The following MDH2 variants were observed in gnomAD, a reference collection of about 807,000 sequenced individuals.
MDH2 encodes the protein malate dehydrogenase, mitochondrial.
Under a neutral mutation model 33.6 loss-of-function variants are expected in MDH2, and 25 were observed. The observed-to-expected ratio is 0.74, with a 90% confidence interval of 0.54 to 1.04. The LOEUF (loss-of-function observed/expected upper bound fraction) is 1.04. MDH2 is among the 50% of genes least tolerant of loss of function. The pLI, the probability that MDH2 is intolerant of heterozygous loss-of-function variation, is 0.00. For missense variants in MDH2, 432 were observed against 445.0 expected (o/e 0.97, Z 0.26); for synonymous variants, 193 against 188.7 (o/e 1.02, Z -0.19).
intron 1 of MDH2, chr7:76,048,630 G>C: frequency 7.9e-7 from 1 of 1,269,740 alleles, no homozygotes; most frequent in Non-Finnish European, 9.9e-7. Flanking sequence ...TGAGTTGTGC[G>C]TGAATAAAAG....
chr7:76,048,912 A>C, intron 1 of MDH2: 2 of 1,011,712 alleles, frequency 2.0e-6, no homozygotes, highest in South Asian at 4.7e-5. Flanking sequence ...TAAACTCTGC[A>C]GTGTGTCAGA....
At chr7:76,057,616 C>T in intron 3 of MDH2, 123 bp downstream of exon 3, 1 of 957,922 alleles carries the variant, frequency 1.0e-6, no homozygotes, top group East Asian at 2.6e-5. Flanking sequence ...ACCAGCTCCC[C>T]TTTCCTGTGG....
intron 6 of MDH2, 40 bp from the exon 7 acceptor site, chr7:76,064,299 G>A: frequency 2.6e-6 from 4 of 1,536,848 alleles, no homozygotes; most frequent in South Asian, 1.2e-5. Context: ...TGGGGTCATG[G>A]GCCGGAAGCC....
intron 3 of MDH2, 42 bp downstream of exon 3, chr7:76,057,535 G>T: frequency 1.3e-6 from 2 of 1,560,700 alleles, no homozygotes; most frequent in Non-Finnish European, 8.8e-7. Context: ...CCCACGTGAA[G>T]ATGTGGGGAT....
chr7:76,055,322 C>T (rs764466444), intron 2 of MDH2, among the ~76,000 whole-genome samples: 2 of 152,086 alleles, frequency 1.3e-5, no homozygotes, highest in South Asian at 2.1e-4. Context: ...GTCTCAGCTG[C>T]GGGCCACCTT....
rs528698751 is a variant in MDH2 at position 76,059,789 on chromosome 7, T to G, written c.430-584T>G. Among the ~76,000 whole-genome samples, 12 of 152,318 alleles carry G rather than the reference T, an allele frequency of 7.9e-5. 1 individual carries two copies. In the South Asian group the frequency reaches 2.1e-3, roughly 26 times the overall value. On this transcript the variant is annotated intron_variant, in intron 4 of 8. Coordinates refer to ENST00000315758, the MANE Select transcript of MDH2 (RefSeq NM_005918.4). ...AAATAGAGAGCTGCTATTCCCTTTG[T>G]TGGGGAGCTAACCAGTGCCTAATAG...
intron 5 of MDH2, 129 bp downstream of exon 5, chr7:76,060,627 T>C (rs1554586878): frequency 4.4e-6 from 6 of 1,352,072 alleles, no homozygotes; most frequent in Admixed American, 2.5e-5. Flanking sequence ...TAAATGTTTT[T>C]AGAGCTCGCC....
intron 1 of MDH2, chr7:76,048,638 A>T: frequency 7.9e-7 from 1 of 1,267,570 alleles, no homozygotes; most frequent in Non-Finnish European, 9.9e-7. Flanking sequence ...GCGTGAATAA[A>T]AGAAATCGTA....
Position 76,063,696 on chromosome 7 carries a change from C to G in MDH2, c.633+104C>G, listed in dbSNP as rs377574604. ...GACTGGAGAAGGCCTGGCCACGTGC[C>G]AGGTTTTGGAAGGGCTCCTGTTGTA... On this transcript the variant is annotated intron_variant, in intron 6 of 8. Transcript: ENST00000315758. 361 of 1,169,794 alleles carry G rather than the reference C, an allele frequency of 3.1e-4. 3 individuals are homozygous for G. The East Asian group carries it at 6.1e-3, about 20-fold the overall frequency. The allele number at this position is 1,169,794 out of a possible 1,614,324, so 72.5% of individuals were successfully genotyped here.
chr7:76,061,789 C>T (rs1306538865), intron 5 of MDH2, among the ~76,000 whole-genome samples: 6 of 152,184 alleles, frequency 3.9e-5, no homozygotes, highest in Non-Finnish European at 5.9e-5. Flanking sequence ...GTCCTGGAGG[C>T]AACAGAGTTC....
intron 1 of MDH2, chr7:76,048,913 G>C: frequency 1.0e-6 from 1 of 1,004,794 alleles, no homozygotes; most frequent in African/African-American, 1.8e-5. Flanking sequence ...AAACTCTGCA[G>C]TGTGTCAGAA....
chr7:76,056,273 T>C (rs1554586273), intron 2 of MDH2, among the ~76,000 whole-genome samples: 1 of 152,240 alleles, frequency 6.6e-6, no homozygotes, highest in East Asian at 1.9e-4. Context: ...TTACATCTTG[T>C]TGAAGTCTTA....
chr7:76,061,122 G>GT (rs1283075977), intron 5 of MDH2, among the ~76,000 whole-genome samples: 1 of 152,152 alleles, frequency 6.6e-6, no homozygotes, highest in Non-Finnish European at 1.5e-5. Flanking sequence ...GGAGTCCTTA[G>GT]TGCTTTGCAC....
chr7:76,048,490 A>G (rs1797412469), intron 1 of MDH2: 1 of 1,293,552 alleles, frequency 7.7e-7, no homozygotes, highest in Non-Finnish European at 1.0e-6. Flanking sequence ...CAGATTTCCC[A>G]GAGGACCTGC....
chr7:76,060,790 G>A (rs993531245), intron 5 of MDH2, among the ~76,000 whole-genome samples: 2 of 151,980 alleles, frequency 1.3e-5, no homozygotes, highest in Non-Finnish European at 2.9e-5. Context: ...CTTCTCAGTG[G>A]CTGGACTTGG....
intron 1 of MDH2, chr7:76,048,881 A>G: frequency 9.0e-7 from 1 of 1,115,252 alleles, no homozygotes; most frequent in Non-Finnish European, 1.1e-6. Flanking sequence ...ATTTTTAGCC[A>G]TCTTCTAGAA....
chr7:76,057,322 A>G, intron 2 of MDH2, 88 bp from the exon 3 acceptor site: 1 of 1,371,974 alleles, frequency 7.3e-7, no homozygotes, highest in African/African-American at 1.4e-5. Flanking sequence ...TCTCGAGGCC[A>G]TTAGTTGGCC....
intron 1 of MDH2, chr7:76,048,974 A>T: frequency 3.9e-6 from 1 of 258,168 alleles, no homozygotes; most frequent in Non-Finnish European, 4.4e-6. Context: ...GAAGAAGCTT[A>T]AGACTGCGGG....
intron 5 of MDH2, 103 bp downstream of exon 5, chr7:76,060,601 T>G (rs782310326): frequency 4.8e-5 from 72 of 1,503,180 alleles, no homozygotes; most frequent in Non-Finnish European, 6.1e-5. Context: ...CCAGGTCACG[T>G]GTCACTTTGG....
Sources: allele counts gnomAD v4.1 joint callset (sites outside exome capture counted in the v4.1 genomes callset), GRCh38; gene constraint gnomAD v4.1.1; transcripts MANE v1.5; gene names NCBI Gene and HGNC (gene_info 2026-07-23, HGNC 2026-07-21).